The following PPM1E variants were observed in gnomAD, a reference collection of about 807,000 sequenced individuals.
PPM1E encodes the protein protein phosphatase 1E.
PPM1E carries 20 observed loss-of-function variants against 65.9 expected under a neutral mutation model. The observed-to-expected ratio is 0.30, with a 90% confidence interval of 0.21 to 0.44. The LOEUF (loss-of-function observed/expected upper bound fraction) is 0.44, where lower values mean the gene tolerates loss of function less well. Among genes scored for constraint, PPM1E ranks in the 20% least tolerant of loss-of-function variants. The probability of loss-of-function intolerance (pLI) is 1.00; values close to 1 mark genes in which losing one functional copy is unlikely to be tolerated. For synonymous variants in PPM1E, 352 were observed against 374.9 expected (o/e 0.94, Z 0.70); for missense variants, 713 against 953.1 (o/e 0.75, Z 3.32).
rs117508470 is a variant in PPM1E, at chr17:58,942,579, C to T, written c.465-13070C>T. Among the ~76,000 whole-genome samples the T allele has an allele frequency of 1.8e-3, 278 of 152,228 alleles. 3 individuals are homozygous for T. Among genetic ancestry groups the T allele is most frequent in the Non-Finnish European group, 2.8e-3 (192 of 68,012 alleles). ...CAAGCATCCTGCTCTCAGACGACAA[C>T]ATTCTGCCCTAGATTTTGTGCCCAA... On this transcript the variant is annotated intron_variant, in intron 1 of 6. Transcript: ENST00000308249.
chr17:58,933,972 G>A (rs1160198043), intron 1 of PPM1E, among the ~76,000 whole-genome samples: 1 of 151,372 alleles, frequency 6.6e-6, no homozygotes, highest in Non-Finnish European at 1.5e-5. Flanking sequence ...GCACGCGCCT[G>A]TAATCCCAGC....
intron 1 of PPM1E, among the ~76,000 whole-genome samples, chr17:58,800,221 A>G (rs985307850): frequency 2.0e-5 from 3 of 152,014 alleles, no homozygotes; most frequent in Non-Finnish European, 4.4e-5. Context: ...CATTACATTA[A>G]TTGTTTTTTC....
intron 1 of PPM1E, among the ~76,000 whole-genome samples, chr17:58,881,028 G>A (rs935244033): frequency 7.9e-5 from 12 of 152,132 alleles, no homozygotes; most frequent in East Asian, 3.9e-4. Context: ...AGAATGTTAC[G>A]CAGCAAGTAA....
chr17:58,902,392 T>G (rs1026326809), intron 1 of PPM1E, among the ~76,000 whole-genome samples: 4 of 152,202 alleles, frequency 2.6e-5, no homozygotes, highest in Admixed American at 1.3e-4. Flanking sequence ...GTTCTTCAGC[T>G]AAACCAGCTA....
At chr17:58,955,081 T>C (rs2029867349) in intron 1 of PPM1E, among the ~76,000 whole-genome samples, 1 of 152,056 alleles carries the variant, frequency 6.6e-6, no homozygotes, top group Non-Finnish European at 1.5e-5. Context: ...AAACTTATCC[T>C]GGTCTTGGTG....
Position 58,980,181 on chromosome 17 carries a change from G to A in PPM1E, c.1418G>A (p.Arg473His). Residue 473 changes from arginine to histidine, a missense_variant, in exon 7 of 7, where the codon CGT (arginine) becomes CAT (histidine). Around this residue, in one of 6 missense-constraint regions of PPM1E, gnomAD observed 88 missense variants for 231.1 expected, o/e 0.38. Coordinates refer to ENST00000308249, the MANE Select transcript of PPM1E (RefSeq NM_014906.5). This position sits in a 1 kb window ranked among gnomAD's most constrained non-coding sequence, Gnocchi z 4.7. ...MVAHKLVASA[R>H]DAGSSDNITV... ...GCCCACAAATTAGTGGCATCAGCTC[G>A]TGATGCTGGGTCAAGTGATAACATC... 1.2e-6 allele frequency: 2 copies of A among 1,614,140 alleles called. No homozygotes were observed. Among genetic ancestry groups the A allele is most frequent in the Non-Finnish European group, 1.7e-6 (2 of 1,180,022 alleles).
At chr17:58,814,057 A>G (rs1399661221) in intron 1 of PPM1E, among the ~76,000 whole-genome samples, 1 of 152,220 alleles carries the variant, frequency 6.6e-6, no homozygotes, top group Non-Finnish European at 1.5e-5. Flanking sequence ...TAAGTAAATA[A>G]TAGAAAATAG....
chr17:58,868,583 T>G (rs1256577735), intron 1 of PPM1E, among the ~76,000 whole-genome samples: 1 of 143,480 alleles, frequency 7.0e-6, no homozygotes, highest in Non-Finnish European at 1.5e-5. Context: ...TTTTTTTTTT[T>G]GCAGTCATTG....
chr17:58,810,457 A>C (rs2050355879), intron 1 of PPM1E, among the ~76,000 whole-genome samples: 1 of 152,050 alleles, frequency 6.6e-6, no homozygotes, highest in African/African-American at 2.4e-5. Context: ...CACCTGCCTC[A>C]GCCTCCCAAA....
At chr17:58,865,041 T>C (rs192032347) in intron 1 of PPM1E, among the ~76,000 whole-genome samples, 1 of 152,280 alleles carries the variant, frequency 6.6e-6, no homozygotes, top group East Asian at 1.9e-4. Context: ...CAGTGTTTAG[T>C]GAAGGGAATT....
At chr17:58,758,185 G>GTT (rs896804074) in intron 1 of PPM1E, among the ~76,000 whole-genome samples, 2 of 145,200 alleles carry the variant, frequency 1.4e-5, no homozygotes, top group Non-Finnish European at 1.5e-5. Flanking sequence ...ATGTAAGAAG[G>GTT]TTTTTTTTTT....
intron 1 of PPM1E, among the ~76,000 whole-genome samples, chr17:58,936,565 G>A (rs1303444663): frequency 6.6e-6 from 1 of 152,168 alleles, no homozygotes; most frequent in Non-Finnish European, 1.5e-5. Context: ...TGTCAGGAAG[G>A]ATGTACTTTT....
intron 6 of PPM1E, 118 bp from the exon 7 acceptor site, chr17:58,979,856 G>T (rs1057243401): frequency 2.6e-6 from 2 of 780,626 alleles, no homozygotes; most frequent in Non-Finnish European, 4.0e-6. Flanking sequence ...ATTCTTTCCA[G>T]TCAAGTCAGT....
intron 1 of PPM1E, among the ~76,000 whole-genome samples, chr17:58,824,249 C>T (rs2050509427): frequency 6.6e-6 from 1 of 151,900 alleles, no homozygotes; most frequent in African/African-American, 2.4e-5. Flanking sequence ...AACTTTTTTT[C>T]TCATAGAAAA....
chr17:58,947,746 G>A (rs1272394830), intron 1 of PPM1E, among the ~76,000 whole-genome samples: 1 of 151,914 alleles, frequency 6.6e-6, no homozygotes, highest in Non-Finnish European at 1.5e-5. Context: ...AAAACTTAGT[G>A]GCATAAAACA....
chr17:58,772,194 C>T (rs556460104), intron 1 of PPM1E, among the ~76,000 whole-genome samples: 2 of 152,104 alleles, frequency 1.3e-5, no homozygotes, highest in Non-Finnish European at 2.9e-5. Context: ...CGCGGTGGCT[C>T]ACGCCTGTAA....
At chr17:58,847,177 G>A (rs2050780186) in intron 1 of PPM1E, among the ~76,000 whole-genome samples, 1 of 152,104 alleles carries the variant, frequency 6.6e-6, no homozygotes, top group South Asian at 2.1e-4. Flanking sequence ...TTAGCCCTTT[G>A]TCAGGTGGGT....
At chr17:58,840,946 G>A (rs921884009) in intron 1 of PPM1E, among the ~76,000 whole-genome samples, 11 of 152,326 alleles carry the variant, frequency 7.2e-5, no homozygotes, top group African/African-American at 2.6e-4. Flanking sequence ...TGTCTGCAAA[G>A]GGGCAGGGCT....
chr17:58,931,590 G>T (rs2051899985), intron 1 of PPM1E, among the ~76,000 whole-genome samples: 1 of 151,930 alleles, frequency 6.6e-6, no homozygotes, highest in Non-Finnish European at 1.5e-5. Context: ...ATTAAAGAAT[G>T]ATTCCAGAAA....
Sources: allele counts gnomAD v4.1 joint callset (sites outside exome capture counted in the v4.1 genomes callset), GRCh38; gene constraint gnomAD v4.1.1; regional missense constraint gnomAD v4.1.1; non-coding constraint Gnocchi (gnomAD v3.1); transcripts MANE v1.5; gene names NCBI Gene and HGNC (gene_info 2026-07-23, HGNC 2026-07-21).